Variants in SNX18 observed in about 807,000 individuals in gnomAD.
SNX18 encodes the protein sorting nexin 18.
In SNX18, 35 loss-of-function variants were observed where a neutral mutation model predicts 48.7. The ratio of observed to expected loss-of-function variants is 0.72; its 90% CI spans 0.55 to 0.95. The LOEUF is 0.95. Among genes scored for constraint, SNX18 ranks in the 40% least tolerant of loss-of-function variants. SNX18 has a pLI of 0.00. For synonymous variants in SNX18, 492 were observed against 384.7 expected (o/e 1.28, Z -3.26); for missense variants, 824 against 871.0 (o/e 0.95, Z 0.68).
At chr5:54,615,241 A>G in the SNX18 span, among the ~76,000 whole-genome samples, 2 of 152,192 alleles carry the variant, frequency 1.3e-5, no homozygotes, top group African/African-American at 4.8e-5. Context: ...TACCAGGTAA[A>G]GAGAAAATTC....
chr5:54,559,597 C>A, the SNX18 span, among the ~76,000 whole-genome samples: 1 of 151,950 alleles, frequency 6.6e-6, no homozygotes, highest in African/African-American at 2.4e-5. Context: ...ATGTAAAACC[C>A]AAAACTCTAA....
the SNX18 span, among the ~76,000 whole-genome samples, chr5:54,555,891 TA>T: frequency 6.6e-6 from 1 of 152,130 alleles, no homozygotes; most frequent in Non-Finnish European, 1.5e-5. Context: ...AAAAGTATTT[TA>T]AAAGTATTAA....
chr5:54,587,180 A>T, the SNX18 span, among the ~76,000 whole-genome samples: 1 of 152,156 alleles, frequency 6.6e-6, no homozygotes, highest in Non-Finnish European at 1.5e-5. Flanking sequence ...AATCCATTCA[A>T]GTCTTATTTT....
the SNX18 span, among the ~76,000 whole-genome samples, chr5:54,606,365 G>T: frequency 5.8e-4 from 89 of 152,308 alleles, 1 homozygote; most frequent in African/African-American, 2.0e-3. Context: ...TTATTAGGCT[G>T]CCTCTGAATT....
the SNX18 span, among the ~76,000 whole-genome samples, chr5:54,617,302 T>C: frequency 6.6e-6 from 1 of 152,378 alleles, no homozygotes; most frequent in East Asian, 1.9e-4. Context: ...GAACAGAATA[T>C]TGAGTGCAAA....
At chr5:54,561,999 T>G in the SNX18 span, among the ~76,000 whole-genome samples, 13 of 152,230 alleles carry the variant, frequency 8.5e-5, no homozygotes, top group Non-Finnish European at 1.9e-4. Flanking sequence ...ATGAGGTTTT[T>G]TTCTGATGAT....
At chr5:54,547,915 T>C (rs924538056), downstream of SNX18, among the ~76,000 whole-genome samples, 2 of 152,196 alleles carry the variant, frequency 1.3e-5, no homozygotes, top group African/African-American at 4.8e-5. Flanking sequence ...CAGAATTTGC[T>C]GAGTAATAAG....
At chr5:54,527,509 G>A (rs1467573455) in intron 1 of SNX18, among the ~76,000 whole-genome samples, 2 of 152,208 alleles carry the variant, frequency 1.3e-5, no homozygotes, top group Non-Finnish European at 2.9e-5. Context: ...CCTACAATAA[G>A]AATTGTCAGA....
At chr5:54,638,871 C>T in the SNX18 span, among the ~76,000 whole-genome samples, 1 of 152,174 alleles carries the variant, frequency 6.6e-6, no homozygotes, top group African/African-American at 2.4e-5. Flanking sequence ...ACCTCAAGAC[C>T]TCATAACATC....
the SNX18 span, among the ~76,000 whole-genome samples, chr5:54,551,821 C>T: frequency 6.6e-6 from 1 of 152,288 alleles, no homozygotes; most frequent in Non-Finnish European, 1.5e-5. Flanking sequence ...TCTCTGGGGT[C>T]CCTGGAGCAC....
the SNX18 span, among the ~76,000 whole-genome samples, chr5:54,586,004 C>CAAAA: frequency 1.3e-5 from 1 of 76,740 alleles, no homozygotes; most frequent in Admixed American, 1.6e-4. Flanking sequence ...GACTCCGTCT[C>CAAAA]AAAAAAAAAA....
At chr5:54,597,222 C>T in the SNX18 span, among the ~76,000 whole-genome samples, 1 of 152,158 alleles carries the variant, frequency 6.6e-6, no homozygotes, top group East Asian at 1.9e-4. Flanking sequence ...AATACAGGAG[C>T]ACCCAGATTC....
At chr5:54,555,345 T>C in the SNX18 span, among the ~76,000 whole-genome samples, 1 of 152,140 alleles carries the variant, frequency 6.6e-6, no homozygotes, top group Non-Finnish European at 1.5e-5. Context: ...CTCTCCATTT[T>C]CCAGTGTTCA....
chr5:54,621,843 A>G, the SNX18 span, among the ~76,000 whole-genome samples: 2 of 152,190 alleles, frequency 1.3e-5, no homozygotes, highest in Non-Finnish European at 2.9e-5. Flanking sequence ...CGCCCTGAAT[A>G]TGTTGTCTCA....
chr5:54,519,656 G>A (rs1761972736), intron 1 of SNX18, 83 bp downstream of exon 1: 3 of 1,614,198 alleles, frequency 1.9e-6, no homozygotes, highest in East Asian at 4.5e-5. Context: ...TACCACTGTG[G>A]GTTTCAGAAT....
chr5:54,522,515 A>G (rs1480201529), intron 1 of SNX18, among the ~76,000 whole-genome samples: 1 of 152,148 alleles, frequency 6.6e-6, no homozygotes, highest in African/African-American at 2.4e-5. Context: ...CTTTATTTTT[A>G]CTTGGTCATC....
the SNX18 span, among the ~76,000 whole-genome samples, chr5:54,640,490 T>C: frequency 0.31 from 46,384 of 152,070 alleles, 8,324 homozygotes; most frequent in Non-Finnish European, 0.39. Context: ...CCTAAATTGC[T>C]GGGATTACAA....
the SNX18 span, among the ~76,000 whole-genome samples, chr5:54,632,468 G>A: frequency 1.2e-3 from 180 of 152,312 alleles, no homozygotes; most frequent in Non-Finnish European, 2.0e-3. Context: ...ATGGTGGCCT[G>A]GACACAGTCA....
chr5:54,542,735 G>A (rs894707629), intron 1 of SNX18, among the ~76,000 whole-genome samples: 6 of 152,204 alleles, frequency 3.9e-5, no homozygotes, highest in Non-Finnish European at 8.8e-5. Flanking sequence ...GACTTTCTGA[G>A]GAAGTGGGTT....
Sources: gnomAD v4.1 joint callset for allele counts (sites outside exome capture counted in the v4.1 genomes callset) on GRCh38, gnomAD v4.1.1 for gene constraint, MANE v1.5 for transcripts, NCBI Gene and HGNC (gene_info 2026-07-23, HGNC 2026-07-21) for gene names.